ANTXR1: variants seen among roughly 807,000 people sequenced by gnomAD.
The protein encoded by ANTXR1 is anthrax toxin receptor 1.
In ANTXR1, 19 loss-of-function variants were observed where a neutral mutation model predicts 78.1. The ratio of observed to expected loss-of-function variants is 0.24; its 90% CI spans 0.17 to 0.36. The LOEUF (loss-of-function observed/expected upper bound fraction) is 0.36, where lower values mean the gene tolerates loss of function less well. Ranked by LOEUF, ANTXR1 falls within the 10% of genes least tolerant of loss-of-function variation. ANTXR1 has a pLI of 1.00. For missense variants in ANTXR1, 518 were observed against 718.6 expected (o/e 0.72, Z 3.19); for synonymous variants, 273 against 260.5 (o/e 1.05, Z -0.46).
At chr2:69,085,530 G>A (rs1671024976) in intron 8 of ANTXR1, among the ~76,000 whole-genome samples, 1 of 152,132 alleles carries the variant, frequency 6.6e-6, no homozygotes, top group Non-Finnish European at 1.5e-5. Context: ...TACATAATAT[G>A]CTACAATGCC....
chr2:69,064,404 A>G (rs1033850345), intron 3 of ANTXR1, among the ~76,000 whole-genome samples: 4 of 152,302 alleles, frequency 2.6e-5, no homozygotes, highest in Non-Finnish European at 5.9e-5. Flanking sequence ...CAACAGTCCA[A>G]CAAAACAAAC....
rs189575212 is a variant in ANTXR1 at position 69,124,807 on chromosome 2, T to C, written c.951+164T>C. ...ACTGCTCCACCAGCCCCAGGCTGGA[T>C]TGGGGTGTGCTGTACCCCAGAGTGT... On this transcript the variant is annotated intron_variant, in intron 12 of 17. Transcript: ENST00000303714. 9.2e-5 allele frequency among the ~76,000 whole-genome samples: 14 copies of C among 152,300 alleles called. No homozygotes were observed. The East Asian group carries it at 2.3e-3, about 25-fold the overall frequency.
intron 17 of ANTXR1, among the ~76,000 whole-genome samples, chr2:69,229,350 C>T (rs964991937): frequency 2.6e-5 from 4 of 152,270 alleles, no homozygotes; most frequent in East Asian, 1.9e-4. Context: ...TGGCATTCCT[C>T]GATTGGTGCA....
chr2:69,228,790 T>C (rs1406704387), intron 17 of ANTXR1, among the ~76,000 whole-genome samples: 5 of 152,276 alleles, frequency 3.3e-5, no homozygotes, highest in Non-Finnish European at 7.3e-5. Context: ...AAAAGGTGCA[T>C]GTGTGAAGTG....
chr2:69,137,623 C>CA (rs1390873193), intron 12 of ANTXR1, among the ~76,000 whole-genome samples: 1 of 151,812 alleles, frequency 6.6e-6, no homozygotes, highest in Admixed American at 6.6e-5. Flanking sequence ...CCTATCTCTA[C>CA]AAAAAATAGA....
At chr2:69,065,962 A>G (rs1236160133) in intron 3 of ANTXR1, among the ~76,000 whole-genome samples, 1 of 152,246 alleles carries the variant, frequency 6.6e-6, no homozygotes, top group African/African-American at 2.4e-5. Flanking sequence ...ACAACTGCAA[A>G]GCATTTGAGA....
rs1456789225 is a variant in ANTXR1 at position 69,247,453 on chromosome 2, C to T, written c.*1968C>T. The T allele has an allele frequency of 1.3e-5, 2 of 153,052 alleles. No individual in the cohort carries two copies. The highest frequency in any genetic ancestry group is 2.9e-5 in the Non-Finnish European group (2 of 68,332). 9.5% of individuals were successfully genotyped at this position (153,052 alleles called of 1,614,324 possible). ...CTCCCACAGCTGCCTACAACAGAGT[C>T]TCCCAGCCTTCTCAGAGAGCTAAAA... On this transcript the variant is annotated 3_prime_UTR_variant, in exon 18 of 18. Coordinates refer to ENST00000303714, the MANE Select transcript of ANTXR1 (RefSeq NM_032208.3).
At chr2:69,040,993 A>G (rs1029180651) in intron 2 of ANTXR1, among the ~76,000 whole-genome samples, 1 of 152,130 alleles carries the variant, frequency 6.6e-6, no homozygotes, top group Non-Finnish European at 1.5e-5. Context: ...GTTCCCCTCA[A>G]ATTTGGTTAT....
intron 12 of ANTXR1, among the ~76,000 whole-genome samples, chr2:69,128,808 G>A (rs1433231925): frequency 3.3e-5 from 5 of 152,212 alleles, no homozygotes; most frequent in African/African-American, 9.6e-5. Flanking sequence ...CTGGGTCTGA[G>A]TAAACGGATA....
chr2:69,053,378 A>G (rs971229925), intron 3 of ANTXR1, among the ~76,000 whole-genome samples: 2 of 152,194 alleles, frequency 1.3e-5, no homozygotes, highest in Non-Finnish European at 2.9e-5. Flanking sequence ...GAAGATGGTC[A>G]GGTGTAGATG....
chr2:69,053,570 T>G (rs891284257), intron 3 of ANTXR1, among the ~76,000 whole-genome samples: 1 of 152,146 alleles, frequency 6.6e-6, no homozygotes, highest in Non-Finnish European at 1.5e-5. Flanking sequence ...TGAAGAAACA[T>G]TTTCTCTATT....
intron 3 of ANTXR1, among the ~76,000 whole-genome samples, chr2:69,058,315 G>C (rs903699519): frequency 6.6e-6 from 1 of 152,106 alleles, no homozygotes; most frequent in African/African-American, 2.4e-5. Flanking sequence ...ATCTTCAAAG[G>C]ACAGCCTAGC....
intron 16 of ANTXR1, 93 bp downstream of exon 16, chr2:69,182,753 C>T: frequency 6.5e-7 from 1 of 1,530,590 alleles, no homozygotes; most frequent in Non-Finnish European, 9.0e-7. Flanking sequence ...AAAATCCCAA[C>T]CTAAAACCCA....
chr2:69,182,828 A>G (rs1674311685), intron 16 of ANTXR1, 168 bp downstream of exon 16: 1 of 860,504 alleles, frequency 1.2e-6, no homozygotes. Flanking sequence ...TACTTTGTCA[A>G]TTTCCACATA....
intron 7 of ANTXR1, 46 bp from the exon 8 acceptor site, chr2:69,077,362 A>G: frequency 2.5e-6 from 4 of 1,610,286 alleles, no homozygotes; most frequent in Non-Finnish European, 3.4e-6. Flanking sequence ...TCCACATCCA[A>G]GCCTAACAGT....
At chr2:69,056,061 T>C (rs566924351) in intron 3 of ANTXR1, among the ~76,000 whole-genome samples, 99 of 152,336 alleles carry the variant, frequency 6.5e-4, no homozygotes, top group Non-Finnish European at 1.1e-3. Flanking sequence ...CACCTGCTAC[T>C]ACTCATGTGG....
intron 1 of ANTXR1, among the ~76,000 whole-genome samples, chr2:69,020,633 G>C (rs1372601832): frequency 2.6e-5 from 4 of 152,150 alleles, no homozygotes; most frequent in Non-Finnish European, 5.9e-5. Context: ...ATGCAAATGG[G>C]ATTTGCTCTA....
intron 13 of ANTXR1, among the ~76,000 whole-genome samples, chr2:69,156,920 C>G (rs759597166): frequency 6.6e-6 from 1 of 152,224 alleles, no homozygotes. Flanking sequence ...GAACACGGAT[C>G]CAACCCATGT....
intron 8 of ANTXR1, among the ~76,000 whole-genome samples, chr2:69,080,780 T>C (rs1670876427): frequency 6.6e-6 from 1 of 152,130 alleles, no homozygotes; most frequent in African/African-American, 2.4e-5. Context: ...AGAGATGAAC[T>C]GAAGGACGTA....
Sources: gnomAD v4.1 joint callset for allele counts (sites outside exome capture counted in the v4.1 genomes callset) on GRCh38, gnomAD v4.1.1 for gene constraint, MANE v1.5 for transcripts, NCBI Gene and HGNC (gene_info 2026-07-23, HGNC 2026-07-21) for gene names.